BORCS5: variants seen among roughly 807,000 people sequenced by gnomAD.
BORCS5 encodes BLOC-1-related complex subunit 5.
In BORCS5, 17 loss-of-function variants were observed where a neutral mutation model predicts 22.1. The ratio of observed to expected loss-of-function variants is 0.77; its 90% confidence interval spans 0.53 to 1.15. BORCS5 has a LOEUF of 1.15. Ranked by LOEUF, BORCS5 falls within the 50% of genes most tolerant of loss-of-function variation. The pLI, the probability that BORCS5 is intolerant of heterozygous loss-of-function variation, is 0.00. For synonymous variants in BORCS5, 117 were observed against 99.8 expected, an observed-to-expected ratio of 1.17 and a Z score of -1.03; for missense variants, 247 against 253.2, an observed-to-expected ratio of 0.98 and a Z score of 0.17.
chr12:12,369,874 G>A (rs1003428245), intron 2 of BORCS5, among the ~76,000 whole-genome samples: 42 of 151,330 alleles, frequency 2.8e-4, no homozygotes, highest in African/African-American at 8.3e-4. Context: ...ACAGGTGTGC[G>A]TCACCATGCC....
chr12:12,375,038 T>A (rs1306174929), intron 2 of BORCS5, among the ~76,000 whole-genome samples: 1 of 152,018 alleles, frequency 6.6e-6, no homozygotes, highest in Non-Finnish European at 1.5e-5. Context: ...TCTTTTGAGC[T>A]GGAGTCTCTG....
intron 3 of BORCS5, among the ~76,000 whole-genome samples, chr12:12,454,744 A>G (rs1414116394): frequency 6.6e-6 from 1 of 152,232 alleles, no homozygotes; most frequent in Non-Finnish European, 1.5e-5. Context: ...TTAGAATAAT[A>G]TAAACATACA....
chr12:12,414,724 C>G (rs1330202070), intron 2 of BORCS5, among the ~76,000 whole-genome samples: 1 of 132,718 alleles, frequency 7.5e-6, no homozygotes. Context: ...GGGGTGGCTG[C>G]CGGGCGGAGA....
intron 2 of BORCS5, among the ~76,000 whole-genome samples, chr12:12,418,547 TG>T (rs934545144): frequency 6.6e-6 from 1 of 152,032 alleles, no homozygotes; most frequent in Non-Finnish European, 1.5e-5. Context: ...ATTAGCCAGG[TG>T]TGATAGCGCA....
Position 12,415,025 on chromosome 12 carries a change from T to C in BORCS5, c.203-20603T>C, listed in dbSNP as rs574471604. On this transcript the variant is annotated intron_variant, in intron 2 of 3. Coordinates refer to ENST00000314565, the MANE Select transcript of BORCS5 (RefSeq NM_058169.6). ...GAAGAGGCGCTCCTCGCTTCCTAGA[T>C]GGGATGGCGGCCGGGCGGAGACGCT... is the stretch of plus-strand genomic sequence containing the variant. Among the ~76,000 whole-genome samples, 26 of 127,394 alleles carry C rather than the reference T, an allele frequency of 2.0e-4. No individual in the cohort carries two copies. The East Asian group carries it at 4.2e-3, about 20-fold the overall frequency. 83.6% of individuals were successfully genotyped at this position (127,394 alleles called of 152,430 possible).
chr12:12,455,530 A>C (rs1037646759), intron 3 of BORCS5, among the ~76,000 whole-genome samples: 2 of 152,194 alleles, frequency 1.3e-5, no homozygotes, highest in Admixed American at 6.5e-5. Context: ...CTGTAATCCC[A>C]GTACTTTGGA....
At chr12:12,425,270 C>G (rs1161539410) in intron 2 of BORCS5, among the ~76,000 whole-genome samples, 2 of 152,190 alleles carry the variant, frequency 1.3e-5, no homozygotes, top group African/African-American at 4.8e-5. Context: ...CTGGATGTTG[C>G]AAGCCTTCAA....
chr12:12,420,826 G>C (rs1226033513), intron 2 of BORCS5, among the ~76,000 whole-genome samples: 2 of 152,154 alleles, frequency 1.3e-5, no homozygotes, highest in Non-Finnish European at 2.9e-5. Context: ...TTGTGAATGG[G>C]AGTTCACTCA....
At position 12,465,557 on chromosome 12, in the gene BORCS5, T is replaced by G; in HGVS notation, c.372T>G (p.Ser124=). 2 of 1,614,228 alleles carry G rather than the reference T, an allele frequency of 1.2e-6. No individual in the cohort carries two copies. The highest frequency in any genetic ancestry group is 1.7e-6 in the Non-Finnish European group (2 of 1,180,026). The change falls in exon 4 of 4, where the codon TCT becomes TCG. Residue 124 remains serine (S), a synonymous_variant. Coordinates refer to ENST00000314565, the MANE Select transcript of BORCS5 (RefSeq NM_058169.6). ...TTTCCCATCCACAGATGGATCTGTC[T>G]GTAGAAACTCTGTTCAGCTTCATGC... is the stretch of plus-strand genomic sequence containing the variant. ...LVKRIKEMDL[S]VETLFSFMQE...
At chr12:12,403,091 A>T (rs1941514181) in intron 2 of BORCS5, among the ~76,000 whole-genome samples, 2 of 151,870 alleles carry the variant, frequency 1.3e-5, no homozygotes, top group African/African-American at 2.4e-5. Context: ...AAAGTGTTAC[A>T]TGTATTTTCT....
At chr12:12,363,012 A>G (rs1863325913) in intron 2 of BORCS5, among the ~76,000 whole-genome samples, 1 of 151,950 alleles carries the variant, frequency 6.6e-6, no homozygotes, top group East Asian at 1.9e-4. Flanking sequence ...GAAGTTAACA[A>G]TAGTAGGGCA....
At chr12:12,379,646 G>C (rs1199407268) in intron 2 of BORCS5, among the ~76,000 whole-genome samples, 1 of 151,288 alleles carries the variant, frequency 6.6e-6, no homozygotes, top group Non-Finnish European at 1.5e-5. Flanking sequence ...GGCAAGAGTG[G>C]GTTCCCTTGA....
chr12:12,427,030 C>G (rs1022133158), intron 2 of BORCS5, among the ~76,000 whole-genome samples: 12 of 152,074 alleles, frequency 7.9e-5, no homozygotes, highest in African/African-American at 2.2e-4. Flanking sequence ...CCTCTGAGGT[C>G]ACAGGGTGGG....
At chr12:12,450,884 CAGTT>C (rs988603782) in intron 3 of BORCS5, among the ~76,000 whole-genome samples, 1 of 151,824 alleles carries the variant, frequency 6.6e-6, no homozygotes, top group African/African-American at 2.4e-5. Context: ...CAGTATCTGA[CAGTT>C]AGTAGATACT....
At chr12:12,402,047 C>T (rs1941493264) in intron 2 of BORCS5, among the ~76,000 whole-genome samples, 1 of 132,036 alleles carries the variant, frequency 7.6e-6, no homozygotes, top group African/African-American at 3.0e-5. Flanking sequence ...GCCTGGGCTA[C>T]AGAGCGAGAC....
intron 1 of BORCS5, among the ~76,000 whole-genome samples, 155 bp downstream of exon 1, chr12:12,357,664 G>A (rs541371232): frequency 6.6e-6 from 1 of 152,068 alleles, no homozygotes; most frequent in Non-Finnish European, 1.5e-5. Context: ...ATCTGTCCTG[G>A]CCTCGATTCC....
At chr12:12,431,156 A>G (rs553672326) in intron 2 of BORCS5, among the ~76,000 whole-genome samples, 117 of 152,306 alleles carry the variant, frequency 7.7e-4, no homozygotes, top group Non-Finnish European at 1.3e-3. Context: ...GCCCTCCTCC[A>G]TAGGGTGTTA....
intron 3 of BORCS5, among the ~76,000 whole-genome samples, chr12:12,462,681 G>C (rs1458790815): frequency 3.5e-5 from 4 of 115,288 alleles, no homozygotes; most frequent in African/African-American, 1.5e-4. Flanking sequence ...TTTGGAGATG[G>C]AGTCTCGCTC....
intron 2 of BORCS5, among the ~76,000 whole-genome samples, chr12:12,372,993 G>C (rs932138583): frequency 6.6e-5 from 10 of 152,074 alleles, no homozygotes; most frequent in Admixed American, 2.0e-4. Context: ...TTCTGCTATG[G>C]ACTGAATGAT....
Sources: allele counts gnomAD v4.1 joint callset (sites outside exome capture counted in the v4.1 genomes callset), GRCh38; gene constraint gnomAD v4.1.1; transcripts MANE v1.5; gene names NCBI Gene and HGNC (gene_info 2026-07-23, HGNC 2026-07-21).